The following CHRM2 variants were observed in gnomAD, a reference collection of about 807,000 sequenced individuals.
The protein encoded by CHRM2 is muscarinic acetylcholine receptor M2.
In CHRM2, 8 loss-of-function variants were observed where a neutral mutation model predicts 25.0. The ratio of observed to expected loss-of-function variants is 0.32; its 90% CI spans 0.19 to 0.58. The LOEUF is 0.58. Ranked by LOEUF, CHRM2 falls within the 20% of genes least tolerant of loss-of-function variation. CHRM2 has a pLI of 0.88. For missense variants in CHRM2, 440 were observed against 567.1 expected (o/e 0.78, Z 2.28); for synonymous variants, 202 against 205.7 (o/e 0.98, Z 0.15).
chr7:137,016,422 C>T lies in CHRM2; in HGVS notation c.*156C>T. The T allele has an allele frequency of 2.5e-6, 2 of 794,332 alleles. No homozygotes were observed. Among genetic ancestry groups the T allele is most frequent in the Non-Finnish European group, 2.0e-6 (1 of 491,896 alleles). 49.2% of individuals were successfully genotyped at this position (794,332 alleles called of 1,614,324 possible). On this transcript the variant is annotated 3_prime_UTR_variant, in exon 4 of 4. Coordinates refer to ENST00000680005, the MANE Select transcript of CHRM2 (RefSeq NM_001006630.2). ...CCCAGCAGTGACACACTTATCACGC[C>T]TAGGCTCCAGTTTGCAAAAATTGCA...
intron 2 of CHRM2, chr7:136,871,986 T>A (rs1195482523): frequency 6.6e-6 from 1 of 152,240 alleles, no homozygotes; most frequent in African/African-American, 2.4e-5. Context: ...TTTGCTTTCC[T>A]GGGCTAGACA....
intron 2 of CHRM2, among the ~76,000 whole-genome samples, chr7:136,934,430 T>A (rs1257053100): frequency 6.6e-6 from 1 of 152,162 alleles, no homozygotes; most frequent in Non-Finnish European, 1.5e-5. Context: ...CTGTAGTCCA[T>A]CTCTCTTTAA....
intron 2 of CHRM2, among the ~76,000 whole-genome samples, chr7:136,912,451 T>C (rs2130691020): frequency 6.6e-6 from 1 of 151,978 alleles, no homozygotes; most frequent in African/African-American, 2.4e-5. Flanking sequence ...AAATCCCACT[T>C]CCTGTCCTGA....
chr7:137,011,194 C>CGT (rs146093146), intron 3 of CHRM2, among the ~76,000 whole-genome samples: 2,136 of 136,340 alleles, frequency 0.016, 77 homozygotes, highest in African/African-American at 0.043. Flanking sequence ...TATATGTGTA[C>CGT]GTGTGTGTGT....
At position 136,916,834 on chromosome 7, in the gene CHRM2, TTCTCTCTC is replaced by T. The variant is rs35224192; in HGVS notation, c.-125+47430_-125+47437del. On this transcript the variant is annotated intron_variant, in intron 2 of 3. Transcript: ENST00000680005. Reference sequence around the variant, plus strand: ...ATTTATTCTATCATTCTCCCTCTCTTTCTCTCTCTCTCTCTCTCTCTGTCACTATGTGT... The same window carrying T: ...ATTTATTCTATCATTCTCCCTCTCTTTCTCTCTCTCTCTGTCACTATGTGT... 2.3e-4 allele frequency among the ~76,000 whole-genome samples: 34 copies of T among 148,770 alleles called. No individual in the cohort carries two copies. The South Asian group carries it at 4.4e-3, about 19-fold the overall frequency.
chr7:137,012,772 T>C (rs1315544071), intron 3 of CHRM2, among the ~76,000 whole-genome samples: 1 of 151,998 alleles, frequency 6.6e-6, no homozygotes, highest in Non-Finnish European at 1.5e-5. Context: ...TACATTTTTA[T>C]GACTCTATCT....
At chr7:136,955,685 C>A (rs970632044) in intron 2 of CHRM2, among the ~76,000 whole-genome samples, 62 of 152,174 alleles carry the variant, frequency 4.1e-4, no homozygotes, top group African/African-American at 1.2e-3. Context: ...TTGGTCTAGG[C>A]AGTTGGTTTT....
intron 2 of CHRM2, among the ~76,000 whole-genome samples, chr7:136,904,041 A>G (rs1797389708): frequency 6.6e-6 from 1 of 151,896 alleles, no homozygotes; most frequent in African/African-American, 2.4e-5. Flanking sequence ...ATTGAATTCC[A>G]TTTGCTACCA....
chr7:137,015,601 A>G lies in CHRM2; in HGVS notation c.736A>G (p.Asn246Asp), dbSNP rs768949834. 1.9e-6 allele frequency: 3 copies of G among 1,613,010 alleles called. No homozygotes were observed. Among genetic ancestry groups the G allele is most frequent in the East Asian group, 2.2e-5 (1 of 44,582 alleles). The change falls in exon 4 of 4, where the codon AAC becomes GAC. Residue 246 changes from asparagine to aspartate, a missense_variant. Coordinates refer to ENST00000680005, the MANE Select transcript of CHRM2 (RefSeq NM_001006630.2). The surrounding 1 kb of genome is among the most constrained non-coding windows in gnomAD (Gnocchi z 5.1). ...AGGAAGGATAGTGAAGCCAAACAAT[A>G]ACAACATGCCCAGCAGTGACGATGG... is the stretch of plus-strand genomic sequence containing the variant. ...VQGRIVKPNN[N>D]NMPSSDDGLE...
intron 2 of CHRM2, among the ~76,000 whole-genome samples, chr7:136,958,506 A>G (rs1412189907): frequency 8.4e-6 from 1 of 119,264 alleles, no homozygotes; most frequent in Non-Finnish European, 1.6e-5. Context: ...CCCAGGCTGG[A>G]GTGCAGTGGG....
At chr7:136,884,471 T>C (rs566553017) in intron 2 of CHRM2, among the ~76,000 whole-genome samples, 1 of 151,780 alleles carries the variant, frequency 6.6e-6, no homozygotes, top group South Asian at 2.1e-4. Context: ...ACAAATGTTT[T>C]CAAAATGAAA....
chr7:136,896,109 T>C, intron 2 of CHRM2, among the ~76,000 whole-genome samples: 1 of 152,242 alleles, frequency 6.6e-6, no homozygotes, highest in South Asian at 2.1e-4. Context: ...TTGCCTTTAC[T>C]TTTTTTTCTA....
intron 2 of CHRM2, among the ~76,000 whole-genome samples, chr7:136,937,551 C>T (rs754496755): frequency 2.8e-4 from 43 of 152,160 alleles, no homozygotes; most frequent in Non-Finnish European, 4.4e-4. Flanking sequence ...CCAGCTCCCA[C>T]AGTAGAGTCA....
chr7:136,988,032 A>G (rs1288839443), intron 2 of CHRM2, among the ~76,000 whole-genome samples: 1 of 151,082 alleles, frequency 6.6e-6, no homozygotes, highest in East Asian at 1.9e-4. Context: ...TAAAAACAGT[A>G]GAATTTTATG....
intron 3 of CHRM2, among the ~76,000 whole-genome samples, chr7:137,007,816 T>C (rs1804544500): frequency 6.6e-6 from 1 of 152,122 alleles, no homozygotes; most frequent in African/African-American, 2.4e-5. Context: ...CTGTGTACAA[T>C]TGAACCTTTC....
chr7:136,959,044 G>C (rs558807752), intron 2 of CHRM2, among the ~76,000 whole-genome samples: 2 of 152,028 alleles, frequency 1.3e-5, no homozygotes, highest in Non-Finnish European at 2.9e-5. Context: ...TTATGTTTCT[G>C]CCCTGGAGAC....
At chr7:136,964,418 T>C (rs1335656179) in intron 2 of CHRM2, among the ~76,000 whole-genome samples, 1 of 152,098 alleles carries the variant, frequency 6.6e-6, no homozygotes, top group Non-Finnish European at 1.5e-5. Context: ...GCCTTTTGAG[T>C]GCTGCCTGGA....
chr7:136,894,422 A>C (rs1796809684), intron 2 of CHRM2, among the ~76,000 whole-genome samples: 1 of 152,110 alleles, frequency 6.6e-6, no homozygotes, highest in Admixed American at 6.5e-5. Flanking sequence ...CCCAGGCTGG[A>C]CTGCAGTGGT....
chr7:136,990,488 T>C (rs1256289299), intron 2 of CHRM2, among the ~76,000 whole-genome samples: 3 of 152,162 alleles, frequency 2.0e-5, no homozygotes, highest in Non-Finnish European at 2.9e-5. Context: ...TCTTTTCATA[T>C]TGCTGTCTCT....
Sources: allele counts gnomAD v4.1 joint callset (sites outside exome capture counted in the v4.1 genomes callset), GRCh38; gene constraint gnomAD v4.1.1; non-coding constraint Gnocchi (gnomAD v3.1); transcripts MANE v1.5; gene names NCBI Gene and HGNC (gene_info 2026-07-23, HGNC 2026-07-21).